Variants in CNTNAP5 observed in about 807,000 individuals in gnomAD.
The protein encoded by CNTNAP5 is contactin-associated protein-like 5.
In CNTNAP5, 72 loss-of-function variants were observed where a neutral mutation model predicts 150.2. That is an observed-to-expected ratio of 0.48 (90% confidence interval 0.40 to 0.58). The LOEUF is 0.58. CNTNAP5 is among the 20% of genes least tolerant of loss of function. The pLI is 0.00. For missense variants in CNTNAP5, 1,636 were observed against 1,626.2 expected, an observed-to-expected ratio of 1.01 and a Z score of -0.10; for synonymous variants, 672 against 619.8, an observed-to-expected ratio of 1.08 and a Z score of -1.25.
At chr2:124,599,429 T>C (rs1486368193) in intron 11 of CNTNAP5, among the ~76,000 whole-genome samples, 1 of 152,192 alleles carries the variant, frequency 6.6e-6, no homozygotes, top group Non-Finnish European at 1.5e-5. Context: ...TTGGCCATTA[T>C]GTAATTTTAA....
intron 1 of CNTNAP5, among the ~76,000 whole-genome samples, chr2:124,052,021 G>A (rs1681709599): frequency 6.6e-6 from 1 of 152,082 alleles, no homozygotes; most frequent in Non-Finnish European, 1.5e-5. Flanking sequence ...CAAAGTCAAA[G>A]AAAATACAAG....
intron 1 of CNTNAP5, among the ~76,000 whole-genome samples, chr2:124,075,296 C>T (rs79047004): frequency 0.013 from 1,983 of 152,190 alleles, 46 homozygotes; most frequent in African/African-American, 0.045. Flanking sequence ...TGTCATACTC[C>T]TTTCTAAGTT....
At chr2:124,674,562 C>CCTTTCTTCCTTTCTTT (rs1678898160) in intron 13 of CNTNAP5, among the ~76,000 whole-genome samples, 2 of 110,306 alleles carry the variant, frequency 1.8e-5, no homozygotes, top group Non-Finnish European at 3.8e-5. Context: ...TTCCTTTCTT[C>CCTTTCTTCCTTTCTTT]CTTTCTTTCT....
intron 3 of CNTNAP5, among the ~76,000 whole-genome samples, chr2:124,245,975 G>T (rs1687012208): frequency 6.6e-6 from 1 of 151,896 alleles, no homozygotes; most frequent in African/African-American, 2.4e-5. Flanking sequence ...CAACTCGTAG[G>T]CCCAAGTGAT....
intron 3 of CNTNAP5, among the ~76,000 whole-genome samples, chr2:124,293,595 T>C (rs943134312): frequency 6.6e-6 from 1 of 152,202 alleles, no homozygotes; most frequent in Non-Finnish European, 1.5e-5. Context: ...TAAATAGTTA[T>C]AATTTTCAAT....
At chr2:124,293,503 A>G (rs143695410) in intron 3 of CNTNAP5, among the ~76,000 whole-genome samples, 2 of 152,344 alleles carry the variant, frequency 1.3e-5, no homozygotes, top group East Asian at 1.9e-4. Flanking sequence ...TAGGTTTTAA[A>G]TAACTAAAAG....
intron 11 of CNTNAP5, among the ~76,000 whole-genome samples, chr2:124,563,618 G>A (rs1695944632): frequency 6.6e-6 from 1 of 152,180 alleles, no homozygotes; most frequent in Admixed American, 6.5e-5. Flanking sequence ...AGGCACACAA[G>A]AGGGAGCTGT....
rs149985839 is a variant in CNTNAP5, at chr2:124,046,511, C to T, written c.82+20779C>T. Among the ~76,000 whole-genome samples the T allele has an allele frequency of 6.4e-3, 964 of 151,350 alleles. 12 individuals are homozygous for T. Among genetic ancestry groups the T allele is most frequent in the African/African-American group, 0.021 (886 of 41,214 alleles). On this transcript the variant is annotated intron_variant, in intron 1 of 23. Coordinates refer to ENST00000682447, the MANE Select transcript of CNTNAP5 (RefSeq NM_001367498.1). ...CTCTGAATAGCCACCTGACAACAGC[C>T]GCCTCCTGCTGAGAAACCACTGAAG...
At chr2:124,378,269 T>TA (rs571959839) in intron 3 of CNTNAP5, among the ~76,000 whole-genome samples, 256 of 148,046 alleles carry the variant, frequency 1.7e-3, no homozygotes, top group African/African-American at 4.2e-3. Context: ...TTTACACAAT[T>TA]AAAAAAAAAA....
intron 3 of CNTNAP5, among the ~76,000 whole-genome samples, chr2:124,271,737 C>G (rs577601039): frequency 3.3e-5 from 5 of 150,548 alleles, no homozygotes; most frequent in African/African-American, 1.2e-4. Flanking sequence ...TTTATTGAGA[C>G]AGAGTCTTGC....
At chr2:124,149,023 C>T (rs1422672501) in intron 1 of CNTNAP5, among the ~76,000 whole-genome samples, 1 of 151,960 alleles carries the variant, frequency 6.6e-6, no homozygotes, top group Non-Finnish European at 1.5e-5. Flanking sequence ...AATAGTTTTC[C>T]TTGAATGTAC....
chr2:124,885,588 C>A (rs1678063798), intron 21 of CNTNAP5, among the ~76,000 whole-genome samples: 1 of 141,034 alleles, frequency 7.1e-6, no homozygotes, highest in East Asian at 2.0e-4. Context: ...CACACACACA[C>A]AACTCAGTAC....
intron 19 of CNTNAP5, among the ~76,000 whole-genome samples, chr2:124,825,089 A>C (rs1320698456): frequency 6.6e-6 from 1 of 152,194 alleles, no homozygotes; most frequent in Admixed American, 6.5e-5. Flanking sequence ...GAAAAACCTG[A>C]TAATTATTAG....
intron 1 of CNTNAP5, among the ~76,000 whole-genome samples, chr2:124,180,332 A>G (rs1219810752): frequency 1.3e-5 from 2 of 152,218 alleles, no homozygotes; most frequent in Non-Finnish European, 2.9e-5. Flanking sequence ...GAAATTTGAA[A>G]TAGATATTTT....
intron 3 of CNTNAP5, among the ~76,000 whole-genome samples, chr2:124,384,833 A>C (rs934516589): frequency 1.3e-5 from 2 of 152,222 alleles, no homozygotes; most frequent in Non-Finnish European, 2.9e-5. Context: ...GGATGATCTC[A>C]GAGACAGGTG....
chr2:124,392,967 T>C (rs1276623488), intron 3 of CNTNAP5, among the ~76,000 whole-genome samples: 1 of 152,200 alleles, frequency 6.6e-6, no homozygotes, highest in Admixed American at 6.5e-5. Context: ...TTCTCAAAGT[T>C]GTTTAGCTTT....
At chr2:124,040,031 C>T (rs1476720099) in intron 1 of CNTNAP5, among the ~76,000 whole-genome samples, 1 of 151,978 alleles carries the variant, frequency 6.6e-6, no homozygotes, top group African/African-American at 2.4e-5. Context: ...TGAATATTTA[C>T]CTCTCTAGAT....
chr2:124,320,916 G>A (rs1689082539), intron 3 of CNTNAP5, among the ~76,000 whole-genome samples: 1 of 152,118 alleles, frequency 6.6e-6, no homozygotes, highest in Admixed American at 6.6e-5. Context: ...AATGGGAAAA[G>A]AGATCAATTG....
Position 124,903,083 on chromosome 2 carries a change from C to A in CNTNAP5, c.3638C>A (p.Thr1213Lys). The change falls in exon 22 of 24, where the codon ACG (threonine) becomes AAG (lysine). Residue 1213 changes from threonine to lysine, a missense_variant. Physicochemically the swap from Thr to Lys is moderately conservative, Grantham distance 78 (BLOSUM62 -1). Coordinates refer to ENST00000682447, the MANE Select transcript of CNTNAP5 (RefSeq NM_001367498.1). The part of the protein sequence containing the change: ...MVDSDVNAVT[T>K]VHSSSDPFGK... ...GACTCAGATGTGAATGCAGTGACCA[C>A]GGTGCATTCTTCATCAGGTACACTC... is the stretch of plus-strand genomic sequence containing the variant. The A allele has an allele frequency of 6.3e-7, 1 of 1,578,500 alleles. No homozygotes were observed. Among genetic ancestry groups the A allele is most frequent in the Non-Finnish European group, 8.6e-7 (1 of 1,159,812 alleles).
Sources: allele counts gnomAD v4.1 joint callset (sites outside exome capture counted in the v4.1 genomes callset), GRCh38; gene constraint gnomAD v4.1.1; transcripts MANE v1.5; gene names NCBI Gene and HGNC (gene_info 2026-07-23, HGNC 2026-07-21).